Variants in GPM6A observed in about 807,000 individuals in gnomAD.
GPM6A encodes glycoprotein M6A, also known as neuronal membrane glycoprotein M6-a.
Under a neutral mutation model 32.1 loss-of-function variants are expected in GPM6A, and 7 were observed. The ratio of observed to expected loss-of-function variants is 0.22; its 90% CI spans 0.12 to 0.41. The LOEUF is 0.41. Among genes scored for constraint, GPM6A ranks in the 10% least tolerant of loss-of-function variants. The pLI is 1.00. For synonymous variants in GPM6A, 130 were observed against 123.4 expected (o/e 1.05, Z -0.35); for missense variants, 235 against 347.2 (o/e 0.68, Z 2.57).
At chr4:175,799,545 G>A (rs1734377529) in intron 1 of GPM6A, among the ~76,000 whole-genome samples, 2 of 152,066 alleles carry the variant, frequency 1.3e-5, no homozygotes, top group African/African-American at 4.8e-5. Context: ...TATGAGGCAC[G>A]GAAGTAGTAT....
intron 1 of GPM6A, among the ~76,000 whole-genome samples, chr4:175,789,989 T>C (rs1448900240): frequency 6.6e-6 from 1 of 152,240 alleles, no homozygotes; most frequent in Non-Finnish European, 1.5e-5. Flanking sequence ...TCCTTAATAC[T>C]GTAAGGCTGT....
intron 1 of GPM6A, among the ~76,000 whole-genome samples, chr4:175,799,346 TGG>T (rs996781551): frequency 6.6e-6 from 1 of 152,132 alleles, no homozygotes; most frequent in Non-Finnish European, 1.5e-5. Context: ...TGACTCACTG[TGG>T]GGCAGTAGCA....
intron 1 of GPM6A, among the ~76,000 whole-genome samples, chr4:175,732,373 TATTA>T (rs1417431681): frequency 6.6e-6 from 1 of 152,168 alleles, no homozygotes; most frequent in Non-Finnish European, 1.5e-5. Flanking sequence ...TTTTCTTCTA[TATTA>T]ATTATTGCCT....
At chr4:175,840,470 G>A (rs577666333) in intron 1 of GPM6A, among the ~76,000 whole-genome samples, 8 of 152,216 alleles carry the variant, frequency 5.3e-5, no homozygotes, top group Non-Finnish European at 8.8e-5. Flanking sequence ...CTGAGGTCAG[G>A]AGTTTGAGAC....
At chr4:175,759,625 T>C (rs1001619985) in intron 1 of GPM6A, among the ~76,000 whole-genome samples, 3 of 152,198 alleles carry the variant, frequency 2.0e-5, no homozygotes, top group Non-Finnish European at 4.4e-5. Flanking sequence ...TAGAGGAAGA[T>C]ACAAATCTAT....
At chr4:175,920,712 G>A (rs560264504) in intron 1 of GPM6A, among the ~76,000 whole-genome samples, 13 of 152,048 alleles carry the variant, frequency 8.5e-5, no homozygotes, top group East Asian at 1.9e-4. Flanking sequence ...AGCCAGGTGC[G>A]GTGGTGCGTG....
rs1255230905 is a variant in GPM6A at position 175,635,107 on chromosome 4, A to G, written c.685-50T>C. ...TATTGGAAGTTTGTTCAGTGTCTTCATTACACCTTGCTATCTCGAAAGAAG... is the reference window on the plus strand; with the variant it reads ...TATTGGAAGTTTGTTCAGTGTCTTCGTTACACCTTGCTATCTCGAAAGAAG... On this transcript the variant is annotated intron_variant, in intron 6 of 6. Transcript: ENST00000393658. 2.2e-6 allele frequency: 3 copies of G among 1,378,668 alleles called. No individual in the cohort carries two copies. The African/African-American group carries it at 4.3e-5, about 20-fold the overall frequency. The allele number at this position is 1,378,668 out of a possible 1,614,324, so 85.4% of individuals were successfully genotyped here. A position where few individuals can be genotyped will look rare whatever the true frequency, so the allele number is the denominator to read the frequency against.
At chr4:175,716,426 G>GAGCC (rs1745845259) in intron 1 of GPM6A, among the ~76,000 whole-genome samples, 2 of 152,100 alleles carry the variant, frequency 1.3e-5, no homozygotes, top group South Asian at 2.1e-4. Flanking sequence ...TAGGTTTGCT[G>GAGCC]GAGAGGTAAT....
intron 3 of GPM6A, among the ~76,000 whole-genome samples, chr4:175,664,321 C>T (rs1471999332): frequency 6.6e-6 from 1 of 152,024 alleles, no homozygotes. Flanking sequence ...AAGAATAAAC[C>T]CTGATTTAAA....
intron 1 of GPM6A, among the ~76,000 whole-genome samples, chr4:175,780,745 T>C (rs1267024949): frequency 6.6e-6 from 1 of 152,200 alleles, no homozygotes; most frequent in Non-Finnish European, 1.5e-5. Flanking sequence ...GACACTACAG[T>C]GCTTTAGAGA....
chr4:175,711,455 TATAC>T (rs68189093), intron 1 of GPM6A, among the ~76,000 whole-genome samples: 3,991 of 30,502 alleles, frequency 0.13, 626 homozygotes, highest in East Asian at 0.37. Context: ...TATATATATA[TATAC>T]ACACACATAC....
chr4:175,749,337 G>T (rs1199476157), intron 1 of GPM6A, among the ~76,000 whole-genome samples: 2 of 152,120 alleles, frequency 1.3e-5, no homozygotes, highest in African/African-American at 4.8e-5. Context: ...AATATCAAAT[G>T]TAATACCAAG....
intron 1 of GPM6A, among the ~76,000 whole-genome samples, chr4:175,931,235 G>C (rs1257446848): frequency 1.3e-5 from 2 of 152,020 alleles, no homozygotes; most frequent in Non-Finnish European, 2.9e-5. Context: ...AAGAAACTAA[G>C]ACCTAGAAAA....
intron 1 of GPM6A, chr4:175,961,199 C>T (rs1404074359): frequency 1.3e-5 from 2 of 152,118 alleles, no homozygotes; most frequent in African/African-American, 2.4e-5. Flanking sequence ...ATCATCCTCT[C>T]GAAATATGCA....
chr4:175,741,036 G>C (rs369168291), intron 1 of GPM6A, among the ~76,000 whole-genome samples: 1 of 152,080 alleles, frequency 6.6e-6, no homozygotes, highest in East Asian at 1.9e-4. Context: ...TATTTTTCAA[G>C]TTCCTCTGTA....
chr4:175,892,662 T>C (rs1410972419), intron 1 of GPM6A, among the ~76,000 whole-genome samples: 1 of 152,210 alleles, frequency 6.6e-6, no homozygotes, highest in Non-Finnish European at 1.5e-5. Context: ...CTCTGGCACA[T>C]GACCTTCACC....
At chr4:175,660,288 G>A (rs1452651044) in intron 3 of GPM6A, among the ~76,000 whole-genome samples, 1 of 151,894 alleles carries the variant, frequency 6.6e-6, no homozygotes, top group Non-Finnish European at 1.5e-5. Context: ...GGAGGCTGAG[G>A]CAGGAGAATC....
intron 4 of GPM6A, chr4:175,642,206 T>A (rs2110889568): frequency 6.6e-6 from 1 of 152,260 alleles, no homozygotes; most frequent in South Asian, 2.1e-4. Context: ...TAAGAGTGGG[T>A]AAAAATTTAA....
chr4:175,737,855 C>G (rs1348350982), intron 1 of GPM6A, among the ~76,000 whole-genome samples: 1 of 151,872 alleles, frequency 6.6e-6, no homozygotes, highest in East Asian at 1.9e-4. Context: ...AAGAATTCAC[C>G]AATTACTTGG....
Sources: allele counts gnomAD v4.1 joint callset (sites outside exome capture counted in the v4.1 genomes callset), GRCh38; gene constraint gnomAD v4.1.1; transcripts MANE v1.5; gene names NCBI Gene and HGNC (gene_info 2026-07-23, HGNC 2026-07-21).